The following STIMATE variants were observed in gnomAD, a reference collection of about 807,000 sequenced individuals.
STIMATE encodes the protein store-operated calcium entry regulator STIMATE.
A neutral mutation model predicts 36.7 loss-of-function variants in STIMATE; 15 were observed. That is an observed-to-expected ratio of 0.41 (90% CI 0.27 to 0.63). STIMATE has a LOEUF of 0.63. Ranked by LOEUF, STIMATE falls within the 20% of genes least tolerant of loss-of-function variation. The pLI is 0.32. For missense variants in STIMATE, 305 were observed against 397.3 expected, an observed-to-expected ratio of 0.77 and a Z score of 1.98; for synonymous variants, 163 against 162.3, an observed-to-expected ratio of 1.00 and a Z score of -0.03.
chr3:52,874,367 T>A (rs1239853393), intron 1 of STIMATE, among the ~76,000 whole-genome samples: 1 of 152,186 alleles, frequency 6.6e-6, no homozygotes, highest in Non-Finnish European at 1.5e-5. Context: ...AAACGGTCAA[T>A]GTGTAATGTG....
intron 1 of STIMATE, among the ~76,000 whole-genome samples, chr3:52,882,575 T>G (rs561824297): frequency 6.6e-6 from 1 of 152,302 alleles, no homozygotes; most frequent in Admixed American, 6.5e-5. Context: ...TCTGTTGACC[T>G]ACTTGGCTAA....
chr3:52,886,524 T>C (rs1411589247), intron 1 of STIMATE, among the ~76,000 whole-genome samples: 2 of 152,194 alleles, frequency 1.3e-5, no homozygotes, highest in Admixed American at 6.5e-5. Flanking sequence ...TTACAAGACT[T>C]GACACGTAAT....
chr3:52,887,767 G>GGCT (rs1181133562), intron 1 of STIMATE, among the ~76,000 whole-genome samples: 1 of 152,010 alleles, frequency 6.6e-6, no homozygotes, highest in Non-Finnish European at 1.5e-5. Flanking sequence ...ACTATAAAAT[G>GGCT]GCTGCATCCA....
chr3:52,869,270 G>C (rs555567182), intron 1 of STIMATE, among the ~76,000 whole-genome samples: 1 of 152,338 alleles, frequency 6.6e-6, no homozygotes, highest in African/African-American at 2.4e-5. Flanking sequence ...CACTGGACCA[G>C]AGTGAACTGA....
rs189820321 is a variant in STIMATE, at chr3:52,877,868, G to A, written c.160+19423C>T. ...CCCAGCACTTTGAGAGGCTAAGGCG[G>A]GCAGATCACGAGGTCAGGAGATCGA... is the stretch of plus-strand genomic sequence containing the variant. On this transcript the variant is annotated intron_variant, in intron 1 of 7. Transcript: ENST00000355083. Among the ~76,000 whole-genome samples the A allele has an allele frequency of 7.2e-5, 11 of 152,248 alleles. No individual in the cohort carries two copies. In the East Asian group the frequency reaches 2.1e-3, roughly 29 times the overall value.
At chr3:52,850,189 T>C (rs976878364) in intron 3 of STIMATE, among the ~76,000 whole-genome samples, 2 of 152,060 alleles carry the variant, frequency 1.3e-5, no homozygotes, top group Non-Finnish European at 1.5e-5. Context: ...TCCCAGCACT[T>C]TGGGAGGCCG....
chr3:52,885,320 A>G (rs1271641294), intron 1 of STIMATE, among the ~76,000 whole-genome samples: 3 of 152,038 alleles, frequency 2.0e-5, no homozygotes, highest in African/African-American at 7.2e-5. Context: ...ACCTGGTCAG[A>G]TAGTCATATT....
intron 5 of STIMATE, 124 bp from the exon 6 acceptor site, chr3:52,843,922 G>A: frequency 7.7e-7 from 1 of 1,294,074 alleles, no homozygotes. Context: ...AAAGCCCAAT[G>A]GGAGCAGCAC....
chr3:52,895,877 C>T, intron 1 of STIMATE: 4 of 1,288,914 alleles, frequency 3.1e-6, no homozygotes, highest in Non-Finnish European at 4.0e-6. Flanking sequence ...GATCCACTCA[C>T]CATGTCTTGA....
intron 1 of STIMATE, among the ~76,000 whole-genome samples, chr3:52,870,748 G>A (rs1299597600): frequency 1.3e-5 from 2 of 152,164 alleles, no homozygotes; most frequent in African/African-American, 4.8e-5. Flanking sequence ...AGGCGCCTGG[G>A]AGGTGCCCAG....
At chr3:52,856,042 T>C (rs940215099) in intron 1 of STIMATE, among the ~76,000 whole-genome samples, 15 of 152,212 alleles carry the variant, frequency 9.9e-5, no homozygotes, top group African/African-American at 3.6e-4. Flanking sequence ...GAGACTTTAC[T>C]GATGGGGGAC....
At chr3:52,865,565 C>T (rs1701292149) in intron 1 of STIMATE, among the ~76,000 whole-genome samples, 2 of 152,064 alleles carry the variant, frequency 1.3e-5, no homozygotes, top group Admixed American at 1.3e-4. Context: ...AGCAGAAACC[C>T]CTGATAAACC....
At chr3:52,865,882 C>CTGTG (rs529568433) in intron 1 of STIMATE, among the ~76,000 whole-genome samples, 3 of 151,474 alleles carry the variant, frequency 2.0e-5, no homozygotes, top group South Asian at 4.2e-4. Context: ...ATGCACAGAT[C>CTGTG]TGTGTGTGTG....
At chr3:52,863,984 C>T (rs187650117) in intron 1 of STIMATE, among the ~76,000 whole-genome samples, 218 of 152,348 alleles carry the variant, frequency 1.4e-3, no homozygotes, top group East Asian at 7.7e-4. Context: ...TGCTTTGATG[C>T]GCTGGCGTTG....
rs147934523 is a variant in STIMATE at position 52,851,019 on chromosome 3, G to A, written c.306-1106C>T. Among the ~76,000 whole-genome samples the A allele has an allele frequency of 4.4e-3, 670 of 152,316 alleles. 4 individuals carry two copies. The highest frequency in any genetic ancestry group is 5.3e-3 in the Non-Finnish European group (361 of 68,028). On this transcript the variant is annotated intron_variant, in intron 3 of 7. Transcript: ENST00000355083. ...GTTGGGATTACAGGCCTGAGCCACC[G>A]TGCCCGGCCTACACTTTAAAGAGCG...
intron 1 of STIMATE, among the ~76,000 whole-genome samples, chr3:52,858,502 T>C (rs1701146818): frequency 6.6e-6 from 1 of 152,072 alleles, no homozygotes; most frequent in Admixed American, 6.6e-5. Flanking sequence ...CGCATGGCTG[T>C]GGTCCTAGCT....
intron 4 of STIMATE, among the ~76,000 whole-genome samples, chr3:52,846,067 T>C (rs1229521062): frequency 6.6e-6 from 1 of 152,240 alleles, no homozygotes; most frequent in Non-Finnish European, 1.5e-5. Context: ...TGGGCACCCA[T>C]GCTGGAGGCC....
chr3:52,890,179 C>T (rs1429419012), intron 1 of STIMATE, among the ~76,000 whole-genome samples: 2 of 152,232 alleles, frequency 1.3e-5, no homozygotes, highest in African/African-American at 2.4e-5. Flanking sequence ...GAATTGCCTG[C>T]CTGCCTTCCT....
At chr3:52,888,510 C>T (rs74472481) in intron 1 of STIMATE, among the ~76,000 whole-genome samples, 1 of 152,204 alleles carries the variant, frequency 6.6e-6, no homozygotes, top group Non-Finnish European at 1.5e-5. Context: ...TAAAAGGATG[C>T]GGCATGCACC....
Sources: allele counts gnomAD v4.1 joint callset (sites outside exome capture counted in the v4.1 genomes callset), GRCh38; gene constraint gnomAD v4.1.1; transcripts MANE v1.5; gene names NCBI Gene and HGNC (gene_info 2026-07-23, HGNC 2026-07-21).